The following CDH13 variants were observed in gnomAD, a reference collection of about 807,000 sequenced individuals.
CDH13 encodes the protein cadherin-13.
A neutral mutation model predicts 63.8 loss-of-function variants in CDH13; 24 were observed. That is an observed-to-expected ratio of 0.38 (90% confidence interval 0.27 to 0.53). The LOEUF is 0.53. Ranked by LOEUF, CDH13 falls within the 20% of genes least tolerant of loss-of-function variation. CDH13 has a pLI of 0.85. For synonymous variants in CDH13, 503 were observed against 355.3 expected, an observed-to-expected ratio of 1.42 and a Z score of -4.67; for missense variants, 1,049 against 903.1, an observed-to-expected ratio of 1.16 and a Z score of -2.07.
intron 7 of CDH13, among the ~76,000 whole-genome samples, chr16:83,512,947 C>T (rs2074607820): frequency 6.6e-6 from 1 of 151,888 alleles, no homozygotes; most frequent in Non-Finnish European, 1.5e-5. Flanking sequence ...CTGATCAAGC[C>T]CTGCAAGCTT....
At chr16:83,057,675 C>T (rs1036798959) in intron 3 of CDH13, among the ~76,000 whole-genome samples, 2 of 151,762 alleles carry the variant, frequency 1.3e-5, no homozygotes, top group Non-Finnish European at 2.9e-5. Flanking sequence ...AGTTTCTAGC[C>T]TTTCTTCCTG....
At chr16:82,847,617 C>G (rs926545186) in intron 1 of CDH13, among the ~76,000 whole-genome samples, 1 of 152,168 alleles carries the variant, frequency 6.6e-6, no homozygotes, top group Non-Finnish European at 1.5e-5. Context: ...TAGCTGATTC[C>G]CAACCTTAAT....
intron 2 of CDH13, among the ~76,000 whole-genome samples, chr16:82,974,991 G>T (rs1232187793): frequency 2.0e-5 from 3 of 152,286 alleles, no homozygotes; most frequent in Non-Finnish European, 4.4e-5. Context: ...TCTCAGAATG[G>T]CTGTCCAGGC....
At chr16:83,586,767 C>T (rs528638106) in intron 7 of CDH13, among the ~76,000 whole-genome samples, 3 of 152,186 alleles carry the variant, frequency 2.0e-5, no homozygotes, top group African/African-American at 2.4e-5. Flanking sequence ...CATAAAATCA[C>T]GGGGGGAGCC....
At chr16:83,535,655 A>C (rs542338485) in intron 7 of CDH13, among the ~76,000 whole-genome samples, 1 of 152,242 alleles carries the variant, frequency 6.6e-6, no homozygotes, top group South Asian at 2.1e-4. Context: ...CCAACTGTGC[A>C]GTCCTGGACA....
intron 1 of CDH13, among the ~76,000 whole-genome samples, chr16:82,655,494 G>A (rs1220376431): frequency 6.6e-6 from 1 of 152,160 alleles, no homozygotes; most frequent in East Asian, 1.9e-4. Flanking sequence ...GGCTACCGCA[G>A]TGTCGGGTCC....
At chr16:83,006,383 G>A (rs1913496528) in intron 2 of CDH13, among the ~76,000 whole-genome samples, 1 of 152,156 alleles carries the variant, frequency 6.6e-6, no homozygotes, top group African/African-American at 2.4e-5. Context: ...TCTCCTGAAT[G>A]GTTTTGACTA....
intron 2 of CDH13, among the ~76,000 whole-genome samples, chr16:82,966,317 T>A (rs1245610309): frequency 6.9e-6 from 1 of 144,328 alleles, no homozygotes; most frequent in Non-Finnish European, 1.5e-5. Flanking sequence ...CCCAGCTAAT[T>A]TTTTTGTATT....
At chr16:83,090,018 GA>G (rs536959987) in intron 3 of CDH13, among the ~76,000 whole-genome samples, 61 of 152,230 alleles carry the variant, frequency 4.0e-4, no homozygotes, top group South Asian at 3.9e-3. Context: ...CATGTAACAT[GA>G]ATGGGTTCTC....
chr16:82,867,699 A>G lies in CDH13; in HGVS notation c.157+9226A>G, dbSNP rs116020089. Among the ~76,000 whole-genome samples the G allele has an allele frequency of 9.2e-3, 1,400 of 152,340 alleles. 24 individuals carry two copies. Among genetic ancestry groups the G allele is most frequent in the African/African-American group, 0.032 (1,324 of 41,586 alleles). On this transcript the variant is annotated intron_variant, in intron 2 of 13. Transcript: ENST00000567109. ...GCAAGGAACTTGAAAAATGAAGGCA[A>G]TTAATGAAAAAGCATGTGAGAGGTG... is the stretch of plus-strand genomic sequence containing the variant.
At chr16:82,627,970 C>T (rs1331834293) in intron 1 of CDH13, among the ~76,000 whole-genome samples, 1 of 152,256 alleles carries the variant, frequency 6.6e-6, no homozygotes, top group East Asian at 1.9e-4. Flanking sequence ...TGTTAACCCT[C>T]AGAGCGCCAC....
chr16:83,571,441 A>C (rs1367764849), intron 7 of CDH13, among the ~76,000 whole-genome samples: 1 of 152,198 alleles, frequency 6.6e-6, no homozygotes, highest in Non-Finnish European at 1.5e-5. Flanking sequence ...GCAATAAGAT[A>C]TTGATCCCTT....
At chr16:83,564,925 G>T (rs1057058457) in intron 7 of CDH13, among the ~76,000 whole-genome samples, 1 of 152,162 alleles carries the variant, frequency 6.6e-6, no homozygotes, top group African/African-American at 2.4e-5. Flanking sequence ...TTTTGTTGTT[G>T]TTGTTGTTGT....
At chr16:83,002,311 A>G (rs769236728) in intron 2 of CDH13, among the ~76,000 whole-genome samples, 15 of 152,218 alleles carry the variant, frequency 9.9e-5, no homozygotes, top group South Asian at 2.1e-4. Context: ...CCATATGAAT[A>G]CGGAGGCAAC....
chr16:82,906,319 T>G (rs1003367986), intron 2 of CDH13, among the ~76,000 whole-genome samples: 6 of 152,170 alleles, frequency 3.9e-5, no homozygotes, highest in African/African-American at 1.4e-4. Context: ...AGGATTCCTT[T>G]AACACATGAT....
chr16:83,572,423 A>G (rs1378508141), intron 7 of CDH13, among the ~76,000 whole-genome samples: 3 of 152,144 alleles, frequency 2.0e-5, no homozygotes, highest in Non-Finnish European at 2.9e-5. Flanking sequence ...TTACAGGCAC[A>G]AGCCACAGAC....
chr16:83,108,220 C>G (rs2034879678), intron 3 of CDH13, among the ~76,000 whole-genome samples: 1 of 152,108 alleles, frequency 6.6e-6, no homozygotes, highest in Non-Finnish European at 1.5e-5. Context: ...CACTATACAC[C>G]GTGCTTGTGG....
At chr16:83,704,769 T>A (rs17696414) in intron 10 of CDH13, among the ~76,000 whole-genome samples, 39,884 of 152,096 alleles carry the variant, frequency 0.26, 5,899 homozygotes, top group Middle Eastern at 0.46. Context: ...AGAAAAAAAA[T>A]TTCCAAAGTT....
Position 83,332,737 on chromosome 16 carries a change from A to G in CDH13, c.637-12125A>G, listed in dbSNP as rs376721124. Among the ~76,000 whole-genome samples, 4 of 152,198 alleles carry G rather than the reference A, an allele frequency of 2.6e-5. No homozygotes were observed. In the East Asian group the frequency reaches 5.8e-4, roughly 22 times the overall value. ...TGTGTCACCTCTTGAGGCAGAGGAT[A>G]TTCACTAGGACTTTACTCAAGCTGC... On this transcript the variant is annotated intron_variant, in intron 5 of 13. Transcript: ENST00000567109.
Sources: gnomAD v4.1 joint callset for allele counts (sites outside exome capture counted in the v4.1 genomes callset) on GRCh38, gnomAD v4.1.1 for gene constraint, MANE v1.5 for transcripts, NCBI Gene and HGNC (gene_info 2026-07-23, HGNC 2026-07-21) for gene names.